The following KIF26B variants were observed in gnomAD, a reference collection of about 807,000 sequenced individuals.
KIF26B encodes the protein kinesin family member 26B.
A neutral mutation model predicts 151.2 loss-of-function variants in KIF26B; 63 were observed. The ratio of observed to expected loss-of-function variants is 0.42; its 90% CI spans 0.34 to 0.51. KIF26B has a LOEUF of 0.51. KIF26B is among the 20% of genes least tolerant of loss of function. KIF26B has a pLI of 0.07. For synonymous variants in KIF26B, 1,357 were observed against 1,262.1 expected (o/e 1.08, Z -1.59); for missense variants, 2,813 against 2,913.6 (o/e 0.97, Z 0.79).
intron 5 of KIF26B, among the ~76,000 whole-genome samples, chr1:245,541,958 C>T (rs1661635887): frequency 2.0e-5 from 3 of 152,172 alleles, no homozygotes; most frequent in Admixed American, 2.0e-4. Context: ...CCCAGTTTCT[C>T]CCGTGTCCTT....
At chr1:245,502,343 A>G (rs377698454) in intron 4 of KIF26B, among the ~76,000 whole-genome samples, 2 of 152,234 alleles carry the variant, frequency 1.3e-5, no homozygotes, top group African/African-American at 4.8e-5. Context: ...CCTAACCAAC[A>G]TGGTGAAACC....
At chr1:245,538,503 C>T (rs568079624) in intron 4 of KIF26B, among the ~76,000 whole-genome samples, 10 of 151,734 alleles carry the variant, frequency 6.6e-5, no homozygotes, top group South Asian at 2.1e-4. Flanking sequence ...CAGGGATCCT[C>T]GCTTTTCTCC....
At chr1:245,578,024 A>T (rs970285999) in intron 5 of KIF26B, among the ~76,000 whole-genome samples, 3 of 152,048 alleles carry the variant, frequency 2.0e-5, no homozygotes, top group African/African-American at 7.2e-5. Context: ...ACTCTGGGCA[A>T]TGCATCCCCT....
chr1:245,674,110 A>G (rs909247312), intron 10 of KIF26B, among the ~76,000 whole-genome samples: 2 of 152,214 alleles, frequency 1.3e-5, no homozygotes, highest in African/African-American at 4.8e-5. Context: ...TAAATAGTAC[A>G]ATGAGCTCAT....
chr1:245,427,817 A>G (rs1307503934), intron 4 of KIF26B, among the ~76,000 whole-genome samples: 1 of 152,000 alleles, frequency 6.6e-6, no homozygotes, highest in Non-Finnish European at 1.5e-5. Context: ...CTCACATTCC[A>G]GATCTCAGTC....
intron 4 of KIF26B, among the ~76,000 whole-genome samples, chr1:245,470,175 C>G (rs1273446091): frequency 6.6e-6 from 1 of 151,880 alleles, no homozygotes; most frequent in Non-Finnish European, 1.5e-5. Flanking sequence ...GACGTTGACA[C>G]CCAGACTTAG....
chr1:245,581,745 G>A (rs1343941459), intron 5 of KIF26B, among the ~76,000 whole-genome samples: 1 of 152,030 alleles, frequency 6.6e-6, no homozygotes, highest in Admixed American at 6.6e-5. Context: ...CTGGGTCTCA[G>A]GGACCTTGTC....
intron 3 of KIF26B, among the ~76,000 whole-genome samples, chr1:245,418,247 G>A (rs1165584252): frequency 1.3e-5 from 2 of 152,232 alleles, no homozygotes; most frequent in African/African-American, 4.8e-5. Context: ...TCTCTGCTCC[G>A]TCAGCAGGAA....
chr1:245,502,342 C>T (rs1660637621), intron 4 of KIF26B, among the ~76,000 whole-genome samples: 1 of 152,070 alleles, frequency 6.6e-6, no homozygotes, highest in Non-Finnish European at 1.5e-5. Flanking sequence ...GCCTAACCAA[C>T]ATGGTGAAAC....
chr1:245,465,363 G>T (rs926611439), intron 4 of KIF26B, among the ~76,000 whole-genome samples: 2 of 151,308 alleles, frequency 1.3e-5, no homozygotes, highest in Admixed American at 1.3e-4. Context: ...GGGAGCTGCT[G>T]GTGAGAGGCG....
intron 10 of KIF26B, among the ~76,000 whole-genome samples, chr1:245,679,962 C>T (rs769405572): frequency 6.6e-6 from 1 of 152,154 alleles, no homozygotes; most frequent in Non-Finnish European, 1.5e-5. Flanking sequence ...CCCCTCCAGG[C>T]ACCACCTCCC....
At chr1:245,223,656 TC>T (rs1353174804) in intron 2 of KIF26B, among the ~76,000 whole-genome samples, 1 of 152,256 alleles carries the variant, frequency 6.6e-6, no homozygotes, top group Non-Finnish European at 1.5e-5. Context: ...GTCTGAGACT[TC>T]TTTCACTCCA....
intron 2 of KIF26B, among the ~76,000 whole-genome samples, chr1:245,349,388 A>T (rs58983209): frequency 0.027 from 4,114 of 152,260 alleles, 173 homozygotes; most frequent in African/African-American, 0.093. Context: ...TTTTCCGTTG[A>T]TGGTAATGGA....
chr1:245,262,491 T>C (rs1035074204), intron 2 of KIF26B, among the ~76,000 whole-genome samples: 1 of 152,152 alleles, frequency 6.6e-6, no homozygotes, highest in Non-Finnish European at 1.5e-5. Context: ...TTCGCTATTG[T>C]TGCTCTGGCT....
At chr1:245,419,820 C>T in intron 4 of KIF26B, 75 bp downstream of exon 4, 2 of 1,336,656 alleles carry the variant, frequency 1.5e-6, no homozygotes. Context: ...ACTAGCTCAG[C>T]TGAAACACTA....
chr1:245,505,074 G>A (rs1358423678), intron 4 of KIF26B, among the ~76,000 whole-genome samples: 2 of 151,944 alleles, frequency 1.3e-5, no homozygotes, highest in African/African-American at 4.8e-5. Flanking sequence ...AAGTAGTTGG[G>A]ATTACAGGCA....
At chr1:245,233,737 G>A (rs1367575524) in intron 2 of KIF26B, among the ~76,000 whole-genome samples, 4 of 152,090 alleles carry the variant, frequency 2.6e-5, no homozygotes, top group Admixed American at 6.6e-5. Flanking sequence ...CTTAACATGG[G>A]AACACTATTA....
chr1:245,165,242 T>C (rs1201629589), intron 2 of KIF26B, among the ~76,000 whole-genome samples: 1 of 151,640 alleles, frequency 6.6e-6, no homozygotes, highest in African/African-American at 2.4e-5. Flanking sequence ...ACACATATCA[T>C]ATGTAGAAAA....
intron 2 of KIF26B, among the ~76,000 whole-genome samples, chr1:245,185,873 A>G (rs887919541): frequency 2.6e-5 from 4 of 150,958 alleles, no homozygotes; most frequent in African/African-American, 9.8e-5. Context: ...TTATTATTTT[A>G]TTTTATTTTA....
Sources: allele counts gnomAD v4.1 joint callset (sites outside exome capture counted in the v4.1 genomes callset), GRCh38; gene constraint gnomAD v4.1.1; transcripts MANE v1.5; gene names NCBI Gene and HGNC (gene_info 2026-07-23, HGNC 2026-07-21).